Variants in NELL1 observed in about 807,000 individuals in gnomAD.
NELL1 encodes the protein neural EGFL like 1, also known as protein kinase C-binding protein NELL1.
NELL1 carries 76 observed loss-of-function variants against 107.4 expected under a neutral mutation model. The ratio of observed to expected loss-of-function variants is 0.71; its 90% confidence interval spans 0.59 to 0.86. The LOEUF (loss-of-function observed/expected upper bound fraction) is 0.86, where lower values mean the gene tolerates loss of function less well. NELL1 is among the 40% of genes least tolerant of loss of function. NELL1 has a pLI of 0.00. For missense variants in NELL1, 1,024 were observed against 1,005.5 expected (o/e 1.02, Z -0.25); for synonymous variants, 353 against 341.2 (o/e 1.03, Z -0.38).
In NELL1 at chr11:20,983,006, A is replaced by T. The variant is rs534536923; in HGVS notation, c.1300+22446A>T. On this transcript the variant is annotated intron_variant, in intron 12 of 19. Transcript: ENST00000357134. Reference sequence around the variant, plus strand: ...TACGTTATTTTAAGATCTGATTTTCATTGTTTTCAGCATAATACAGTGGAA... The same window carrying T: ...TACGTTATTTTAAGATCTGATTTTCTTTGTTTTCAGCATAATACAGTGGAA... Among the ~76,000 whole-genome samples the T allele has an allele frequency of 2.6e-5, 4 of 152,064 alleles. No individual in the cohort carries two copies. In the South Asian group the frequency reaches 8.3e-4, roughly 32 times the overall value.
At chr11:21,532,278 A>G (rs1856009873) in intron 15 of NELL1, among the ~76,000 whole-genome samples, 1 of 152,194 alleles carries the variant, frequency 6.6e-6, no homozygotes, top group Non-Finnish European at 1.5e-5. Context: ...CTCCTGTGCT[A>G]TACAGATAAC....
intron 14 of NELL1, among the ~76,000 whole-genome samples, chr11:21,282,388 G>A (rs1234642171): frequency 1.3e-5 from 2 of 151,526 alleles, no homozygotes; most frequent in Non-Finnish European, 2.9e-5. Flanking sequence ...GCTGAGGCAC[G>A]GGAATCGCTT....
At chr11:21,469,630 C>T (rs1854123273) in intron 15 of NELL1, among the ~76,000 whole-genome samples, 1 of 152,054 alleles carries the variant, frequency 6.6e-6, no homozygotes, top group Admixed American at 6.6e-5. Flanking sequence ...GAATTAAAGA[C>T]CATCTATATG....
chr11:21,032,046 AAAT>A (rs373787726), intron 12 of NELL1, among the ~76,000 whole-genome samples: 3,522 of 145,462 alleles, frequency 0.024, 51 homozygotes, highest in African/African-American at 0.037. Flanking sequence ...CTCCATGTCA[AAAT>A]AATAATAATA....
chr11:21,444,503 G>A (rs771547739), intron 15 of NELL1, among the ~76,000 whole-genome samples: 51 of 152,024 alleles, frequency 3.4e-4, no homozygotes, highest in Admixed American at 3.3e-3. Flanking sequence ...ATTATTTTGA[G>A]TCTTTGCTAA....
chr11:21,400,396 G>A (rs1405285403), intron 15 of NELL1, among the ~76,000 whole-genome samples: 3 of 151,632 alleles, frequency 2.0e-5, no homozygotes, highest in Non-Finnish European at 4.4e-5. Flanking sequence ...ATTGGTCCTA[G>A]GTCTCTATTT....
At chr11:21,239,688 T>C (rs563418929) in intron 14 of NELL1, among the ~76,000 whole-genome samples, 1 of 152,132 alleles carries the variant, frequency 6.6e-6, no homozygotes, top group East Asian at 1.9e-4. Flanking sequence ...TTTTCTCCAC[T>C]TCTACACATT....
intron 12 of NELL1, among the ~76,000 whole-genome samples, chr11:21,020,767 T>G (rs1852679121): frequency 1.3e-5 from 2 of 151,980 alleles, no homozygotes; most frequent in Non-Finnish European, 2.9e-5. Flanking sequence ...AAAATACATC[T>G]TTGTGTGGGA....
At chr11:21,121,860 C>T (rs1207406930) in intron 13 of NELL1, among the ~76,000 whole-genome samples, 1 of 152,034 alleles carries the variant, frequency 6.6e-6, no homozygotes, top group Non-Finnish European at 1.5e-5. Flanking sequence ...TTTTCCAGAC[C>T]AATTTTAGTT....
At chr11:21,403,251 C>T (rs1040313102) in intron 15 of NELL1, among the ~76,000 whole-genome samples, 3 of 151,580 alleles carry the variant, frequency 2.0e-5, no homozygotes, top group African/African-American at 7.3e-5. Context: ...TCTGAGGTCT[C>T]ATGGGGCACA....
intron 1 of NELL1, among the ~76,000 whole-genome samples, chr11:20,670,190 G>T (rs1163591329): frequency 6.6e-6 from 1 of 152,152 alleles, no homozygotes; most frequent in African/African-American, 2.4e-5. Context: ...GGGTAGCTGC[G>T]GGAGTCGCAC....
chr11:21,043,993 A>G (rs1047231854), intron 12 of NELL1, among the ~76,000 whole-genome samples: 3 of 152,190 alleles, frequency 2.0e-5, no homozygotes, highest in African/African-American at 4.8e-5. Flanking sequence ...AAGTTCAAAG[A>G]TATCTGCTAC....
intron 4 of NELL1, among the ~76,000 whole-genome samples, chr11:20,849,394 T>C (rs1218352743): frequency 6.6e-6 from 1 of 152,178 alleles, no homozygotes; most frequent in Non-Finnish European, 1.5e-5. Flanking sequence ...ACATTTGTGG[T>C]GGTTGTTGTT....
At chr11:21,385,780 G>A (rs1369982772) in intron 15 of NELL1, among the ~76,000 whole-genome samples, 6 of 151,834 alleles carry the variant, frequency 4.0e-5, no homozygotes, top group African/African-American at 1.2e-4. Context: ...GACTCGCTCC[G>A]AGTAGCTTTT....
intron 12 of NELL1, among the ~76,000 whole-genome samples, chr11:20,974,326 C>T (rs1394945875): frequency 1.3e-5 from 2 of 152,170 alleles, no homozygotes; most frequent in Non-Finnish European, 2.9e-5. Context: ...TTGCTCAGTC[C>T]TGTCTGTAAT....
intron 12 of NELL1, among the ~76,000 whole-genome samples, chr11:20,981,406 G>A (rs568175623): frequency 1.3e-5 from 2 of 152,202 alleles, no homozygotes; most frequent in South Asian, 2.1e-4. Flanking sequence ...GACTGAGCAG[G>A]AGATGATATG....
chr11:21,402,622 G>A (rs1298627284), intron 15 of NELL1, among the ~76,000 whole-genome samples: 1 of 150,190 alleles, frequency 6.7e-6, no homozygotes, highest in Non-Finnish European at 1.5e-5. Flanking sequence ...ACTAATGCTT[G>A]GTAGAAATCT....
At chr11:21,456,292 T>G (rs981637382) in intron 15 of NELL1, among the ~76,000 whole-genome samples, 1 of 152,120 alleles carries the variant, frequency 6.6e-6, no homozygotes, top group Non-Finnish European at 1.5e-5. Flanking sequence ...TTTGCTTCAT[T>G]GTGGTCAGAT....
At chr11:21,100,636 A>G (rs1854781759) in intron 12 of NELL1, among the ~76,000 whole-genome samples, 1 of 152,202 alleles carries the variant, frequency 6.6e-6, no homozygotes, top group South Asian at 2.1e-4. Flanking sequence ...ACACTTGAGG[A>G]GATACTTGTA....
Sources: gnomAD v4.1 joint callset for allele counts (sites outside exome capture counted in the v4.1 genomes callset) on GRCh38, gnomAD v4.1.1 for gene constraint, MANE v1.5 for transcripts, NCBI Gene and HGNC (gene_info 2026-07-23, HGNC 2026-07-21) for gene names.